The following CGNL1 variants were observed in gnomAD, a reference collection of about 807,000 sequenced individuals.
CGNL1 encodes the protein cingulin-like protein 1.
Under a neutral mutation model 141.2 loss-of-function variants are expected in CGNL1, and 132 were observed. The ratio of observed to expected loss-of-function variants is 0.93; its 90% CI spans 0.81 to 1.08. The LOEUF is 1.08. Among genes scored for constraint, CGNL1 ranks in the 50% least tolerant of loss-of-function variants. The pLI is 0.00. For synonymous variants in CGNL1, 690 were observed against 622.1 expected, an observed-to-expected ratio of 1.11 and a Z score of -1.63; for missense variants, 1,870 against 1,588.6, an observed-to-expected ratio of 1.18 and a Z score of -3.01.
intron 8 of CGNL1, among the ~76,000 whole-genome samples, chr15:57,487,574 C>G (rs189928806): frequency 6.6e-6 from 1 of 152,136 alleles, no homozygotes; most frequent in Non-Finnish European, 1.5e-5. Flanking sequence ...TCTATATACT[C>G]AGATTTTCCT....
chr15:57,428,063 T>C (rs2062999603), intron 1 of CGNL1, among the ~76,000 whole-genome samples: 1 of 152,252 alleles, frequency 6.6e-6, no homozygotes, highest in African/African-American at 2.4e-5. Context: ...CATTCATTTA[T>C]GTGTGAAACA....
intron 1 of CGNL1, among the ~76,000 whole-genome samples, chr15:57,410,248 T>A (rs1395627501): frequency 1.3e-5 from 2 of 152,246 alleles, no homozygotes; most frequent in Non-Finnish European, 2.9e-5. Context: ...TTGAAGTCAT[T>A]GTCCTTCAGT....
chr15:57,381,861 C>G (rs562161149), intron 1 of CGNL1, among the ~76,000 whole-genome samples: 2 of 152,152 alleles, frequency 1.3e-5, no homozygotes, highest in African/African-American at 4.8e-5. Context: ...AAGGCCACTG[C>G]GACCTTGTGA....
intron 3 of CGNL1, among the ~76,000 whole-genome samples, chr15:57,441,782 T>C (rs547537178): frequency 6.6e-6 from 1 of 152,338 alleles, no homozygotes; most frequent in South Asian, 2.1e-4. Flanking sequence ...TTTAAATCTT[T>C]TTCTTCTAAT....
chr15:57,434,066 A>G (rs1014776365), intron 1 of CGNL1, among the ~76,000 whole-genome samples: 2 of 147,828 alleles, frequency 1.4e-5, no homozygotes, highest in African/African-American at 2.5e-5. Context: ...AAAGCCTTCA[A>G]TATGAAAAGT....
chr15:57,398,341 A>T (rs997107598), intron 1 of CGNL1: 7 of 151,566 alleles, frequency 4.6e-5, no homozygotes, highest in Non-Finnish European at 8.8e-5. Flanking sequence ...TGCAAGCAAG[A>T]TACTGTTAAT....
At chr15:57,544,993 G>A (rs1650396033) in intron 16 of CGNL1, among the ~76,000 whole-genome samples, 1 of 152,208 alleles carries the variant, frequency 6.6e-6, no homozygotes. Flanking sequence ...TTAAGCAGAG[G>A]CTGACTAGCC....
At chr15:57,480,083 G>C (rs565589567) in intron 8 of CGNL1, among the ~76,000 whole-genome samples, 2 of 152,116 alleles carry the variant, frequency 1.3e-5, no homozygotes, top group Non-Finnish European at 2.9e-5. Context: ...GCAGTATGTG[G>C]TTACTAAATA....
intron 1 of CGNL1, among the ~76,000 whole-genome samples, chr15:57,412,636 G>A (rs1174949867): frequency 3.3e-5 from 5 of 152,148 alleles, no homozygotes; most frequent in African/African-American, 4.8e-5. Context: ...TTATCTTGAC[G>A]CATCTCTGTG....
intron 1 of CGNL1, among the ~76,000 whole-genome samples, chr15:57,421,474 G>A (rs1361804094): frequency 4.6e-5 from 7 of 152,146 alleles, no homozygotes; most frequent in Non-Finnish European, 7.3e-5. Context: ...GATCTGTTCA[G>A]GTAATGTTCT....
intron 8 of CGNL1, chr15:57,477,582 C>T (rs1490239754): frequency 3.3e-5 from 5 of 152,260 alleles, no homozygotes; most frequent in South Asian, 2.1e-4. Flanking sequence ...TTGGACCCCT[C>T]ATGCTCTCTG....
chr15:57,418,773 T>C (rs905672614), intron 1 of CGNL1, among the ~76,000 whole-genome samples: 6 of 152,196 alleles, frequency 3.9e-5, no homozygotes, highest in African/African-American at 1.4e-4. Context: ...AGCAGTGTTC[T>C]GAGACCTGAC....
chr15:57,454,033 C>G (rs1455551996), intron 7 of CGNL1, among the ~76,000 whole-genome samples: 1 of 152,088 alleles, frequency 6.6e-6, no homozygotes, highest in African/African-American at 2.4e-5. Flanking sequence ...TCTCTCTTCT[C>G]TAGATTATTA....
At chr15:57,501,391 A>G (rs1176713152) in intron 8 of CGNL1, among the ~76,000 whole-genome samples, 1 of 152,258 alleles carries the variant, frequency 6.6e-6, no homozygotes, top group East Asian at 1.9e-4. Flanking sequence ...TGGAAAGCAC[A>G]TAGCTGGTGT....
At chr15:57,545,297 C>T (rs1213883534) in intron 16 of CGNL1, among the ~76,000 whole-genome samples, 1 of 152,240 alleles carries the variant, frequency 6.6e-6, no homozygotes, top group East Asian at 1.9e-4. Flanking sequence ...AAGACATCTG[C>T]AGTTTGTGAC....
At chr15:57,505,004 CTCTG>C (rs528172815) in intron 8 of CGNL1, among the ~76,000 whole-genome samples, 117 of 152,316 alleles carry the variant, frequency 7.7e-4, no homozygotes, top group African/African-American at 2.6e-3. Flanking sequence ...ATCCCTCCCA[CTCTG>C]TCTGTCCCAG....
At position 57,545,633 on chromosome 15, in the gene CGNL1, G is replaced by T. The variant is rs550816532; in HGVS notation, c.3542G>T (p.Arg1181Leu). 1 of 1,613,740 alleles carries T rather than the reference G, an allele frequency of 6.2e-7. No individual in the cohort carries two copies. Among genetic ancestry groups the T allele is most frequent in the African/African-American group, 1.3e-5 (1 of 75,068 alleles). Reference sequence around the variant, plus strand: ...CAGCTCAGCAACCGGCGGCTGGAGCGGAAAGTGAAGGAGCTGGTGATGCAG... The same window carrying T: ...CAGCTCAGCAACCGGCGGCTGGAGCTGAAAGTGAAGGAGCTGGTGATGCAG... Reference protein sequence around the residue: ...NLQLSNRRLERKVKELVMQVD... With the variant: ...NLQLSNRRLELKVKELVMQVD... Residue 1181 changes from arginine to leucine, a missense_variant, in exon 17 of 19, where the codon CGG becomes CTG. Arg to Leu is a moderately radical substitution (Grantham distance 102). Coordinates refer to ENST00000281282, the MANE Select transcript of CGNL1 (RefSeq NM_032866.5).
intron 7 of CGNL1, among the ~76,000 whole-genome samples, chr15:57,460,471 A>T (rs1416253932): frequency 6.6e-6 from 1 of 152,238 alleles, no homozygotes. Context: ...CAACTGTATT[A>T]GTCCATTCTC....
chr15:57,438,978 A>G lies in CGNL1; in HGVS notation c.979A>G (p.Asn327Asp). The change falls in exon 2 of 19, where the codon AAT becomes GAT. Residue 327 changes from asparagine (N) to aspartate (D), a missense_variant. By Grantham distance (23) the Asn-to-Asp change is conservative. Transcript: ENST00000281282. ...QECAIHADNV[N>D]RHENRRYIPF... ...ATGTGCCATCCATGCCGACAACGTC[A>G]ATCGTCATGAAAACAGAAGGTATAT... 6.2e-7 allele frequency: 1 copy of G among 1,614,240 alleles called. No individual in the cohort carries two copies. Among genetic ancestry groups the G allele is most frequent in the African/African-American group, 1.3e-5 (1 of 75,062 alleles).
Sources: gnomAD v4.1 joint callset for allele counts (sites outside exome capture counted in the v4.1 genomes callset) on GRCh38, gnomAD v4.1.1 for gene constraint, MANE v1.5 for transcripts, NCBI Gene and HGNC (gene_info 2026-07-23, HGNC 2026-07-21) for gene names.